IQSEC3: variants seen among roughly 807,000 people sequenced by gnomAD.
IQSEC3 encodes IQ motif and Sec7 domain ArfGEF 3.
IQSEC3 carries 50 observed loss-of-function variants against 105.4 expected under a neutral mutation model. The ratio of observed to expected loss-of-function variants is 0.47; its 90% CI spans 0.38 to 0.60. The LOEUF (loss-of-function observed/expected upper bound fraction) is 0.60. Ranked by LOEUF, IQSEC3 falls within the 20% of genes least tolerant of loss-of-function variation. The probability of loss-of-function intolerance (pLI) is 0.00; values close to 1 mark genes in which losing one functional copy is unlikely to be tolerated. For missense variants in IQSEC3, 1,415 were observed against 1,630.0 expected (o/e 0.87, Z 2.27); for synonymous variants, 708 against 746.0 (o/e 0.95, Z 0.83).
At chr12:124,354 A>G (rs11503142) in intron 2 of IQSEC3, among the ~76,000 whole-genome samples, 131 of 145,026 alleles carry the variant, frequency 9.0e-4, no homozygotes, top group African/African-American at 3.1e-3. Context: ...TCACCATTGC[A>G]CTCCAGCCTG....
At chr12:143,077 C>T (rs925034572) in intron 5 of IQSEC3, among the ~76,000 whole-genome samples, 5 of 152,236 alleles carry the variant, frequency 3.3e-5, no homozygotes, top group Non-Finnish European at 4.4e-5. Flanking sequence ...GGGAACACAG[C>T]GTTTTCCTGC....
intron 6 of IQSEC3, 133 bp downstream of exon 6, chr12:157,280 C>T (rs1866723778): frequency 7.6e-7 from 1 of 1,314,198 alleles, no homozygotes. Context: ...CTGGTGTGGG[C>T]AGGAGGATGG....
chr12:134,886 G>C (rs896793260), intron 3 of IQSEC3, among the ~76,000 whole-genome samples: 26 of 151,952 alleles, frequency 1.7e-4, no homozygotes, highest in African/African-American at 2.4e-5. Context: ...AGCACTCTGG[G>C]AGGCCAAGGT....
chr12:139,577 G>A, intron 4 of IQSEC3: 3 of 439,338 alleles, frequency 6.8e-6, no homozygotes, highest in African/African-American at 2.0e-5. Context: ...AAGATTAAAG[G>A]AAAAAAATAA....
chr12:173,325 G>A (rs766542925), intron 13 of IQSEC3, among the ~76,000 whole-genome samples: 11 of 152,188 alleles, frequency 7.2e-5, no homozygotes, highest in South Asian at 6.2e-4. Flanking sequence ...GTGACATGCC[G>A]AGTGTGGCAG....
intron 1 of IQSEC3, among the ~76,000 whole-genome samples, chr12:93,686 G>C (rs1864161915): frequency 6.6e-6 from 1 of 152,178 alleles, no homozygotes; most frequent in Non-Finnish European, 1.5e-5. Context: ...GCTATGTTTT[G>C]AATGTTTGTC....
chr12:91,980 C>A (rs1555073569), intron 1 of IQSEC3, among the ~76,000 whole-genome samples: 2 of 152,108 alleles, frequency 1.3e-5, no homozygotes, highest in African/African-American at 4.8e-5. Flanking sequence ...CAGTCTCATT[C>A]TGAGTGCGGC....
At chr12:147,830 T>C (rs1866341285) in intron 5 of IQSEC3, 1 of 152,188 alleles carries the variant, frequency 6.6e-6, no homozygotes, top group African/African-American at 2.4e-5. Flanking sequence ...GATTCGTAAG[T>C]CTCAAGAGGT....
intron 5 of IQSEC3, among the ~76,000 whole-genome samples, chr12:146,615 T>TAGCCTGGA (rs1412758567): frequency 2.0e-5 from 3 of 151,066 alleles, no homozygotes; most frequent in Non-Finnish European, 4.4e-5. Flanking sequence ...CACTGCACTC[T>TAGCCTGGA]AGCCTGGAAG....
intron 2 of IQSEC3, among the ~76,000 whole-genome samples, chr12:121,455 G>A (rs936355070): frequency 1.3e-5 from 2 of 152,152 alleles, no homozygotes; most frequent in African/African-American, 2.4e-5. Flanking sequence ...CTGTGCCCTG[G>A]CAAAGCACCA....
At chr12:107,402 CTTTTTTTTTTTT>C (rs58053657) in intron 2 of IQSEC3, among the ~76,000 whole-genome samples, 3 of 75,984 alleles carry the variant, frequency 3.9e-5, no homozygotes, top group Admixed American at 4.0e-4. Flanking sequence ...AGTCTGTTTT[CTTTTTTTTTTTT>C]TTTTTTTTTT....
intron 13 of IQSEC3, among the ~76,000 whole-genome samples, chr12:173,813 G>A (rs556235494): frequency 6.6e-6 from 1 of 152,322 alleles, no homozygotes; most frequent in East Asian, 1.9e-4. Flanking sequence ...AGCAAGGGGA[G>A]GCCAGGCTAG....
intron 3 of IQSEC3, among the ~76,000 whole-genome samples, chr12:129,678 C>T (rs1303811615): frequency 6.6e-6 from 1 of 152,132 alleles, no homozygotes; most frequent in Non-Finnish European, 1.5e-5. Flanking sequence ...TGCAGAGCGA[C>T]TGGAGCCCTT....
At position 174,700 on chromosome 12, in the gene IQSEC3, G is replaced by A. The variant is rs773981408; in HGVS notation, c.3216G>A (p.Pro1072=). ...CGCCAGACCTGCAGCCTAGCCCCCC[G>A]AGACAGCAGACCCCACCACTGCCGC... ...VPPPDLQPSP[P]RQQTPPLPPP... The change falls in exon 14 of 14, where the codon CCG becomes CCA. Residue 1072 remains proline, a synonymous_variant. Transcript: ENST00000538872. 2.2e-5 allele frequency: 35 copies of A among 1,593,316 alleles called. No homozygotes were observed. The highest frequency in any genetic ancestry group is 1.6e-4 in the East Asian group (7 of 44,792).
chr12:150,569 C>G (rs1448295071), intron 5 of IQSEC3, among the ~76,000 whole-genome samples: 3 of 152,074 alleles, frequency 2.0e-5, no homozygotes, highest in African/African-American at 7.2e-5. Context: ...TGATGGAAGC[C>G]AAGAAGACGG....
intron 7 of IQSEC3, 42 bp downstream of exon 7, chr12:157,736 C>A: frequency 6.3e-7 from 1 of 1,582,700 alleles, no homozygotes; most frequent in Non-Finnish European, 8.6e-7. Flanking sequence ...AAGGCCACGG[C>A]TCAGGCCCCA....
At position 138,369 on chromosome 12, in the gene IQSEC3, G is replaced by C. The variant is rs144936538; in HGVS notation, c.1006G>C (p.Glu336Gln). Reference protein sequence around the residue: ...FRQYQLSKNFEKIRNSLLESR... With the variant: ...FRQYQLSKNFQKIRNSLLESR... ...CCAATACCAGCTCAGCAAGAACTTC[G>C]AGAAAATCCGCAACTCGCTTCTGGA... The change falls in exon 4 of 14, where the codon GAG becomes CAG. Residue 336 changes from glutamate to glutamine, a missense_variant. Around this residue, in one of 6 missense-constraint regions of IQSEC3, gnomAD observed 720 missense variants for 633.0 expected, o/e 1.14. Coordinates refer to ENST00000538872, the MANE Select transcript of IQSEC3 (RefSeq NM_001170738.2). The surrounding 1 kb of genome is among the most constrained non-coding windows in gnomAD (Gnocchi z 7.1). 1.4e-5 allele frequency: 22 copies of C among 1,612,840 alleles called. No individual in the cohort carries two copies. Among genetic ancestry groups the C allele is most frequent in the African/African-American group, 2.7e-5 (2 of 74,946 alleles).
Position 165,836 on chromosome 12 carries a change from G to C in IQSEC3, c.2917G>C (p.Asp973His), listed in dbSNP as rs1555098245. ...GSDEMQKFVE[D>H]LKESIAEVTE... Reference sequence around the variant, plus strand: ...GGACGAGATGCAGAAGTTCGTGGAGGACCTGAAGGAGTCCATTGCTGAGGT... The same window carrying C: ...GGACGAGATGCAGAAGTTCGTGGAGCACCTGAAGGAGTCCATTGCTGAGGT... The change falls in exon 11 of 14, where the codon GAC becomes CAC. Residue 973 changes from aspartate to histidine, a missense_variant. Asp to His is a moderately conservative substitution (Grantham distance 81, BLOSUM62 -1). This residue lies in a region of IQSEC3 where 419 missense variants were observed against 436.2 expected (regional missense o/e 0.96). Coordinates refer to ENST00000538872, the MANE Select transcript of IQSEC3 (RefSeq NM_001170738.2). The C allele has an allele frequency of 6.2e-7, 1 of 1,614,126 alleles. No individual in the cohort carries two copies. The highest frequency in any genetic ancestry group is 1.3e-5 in the African/African-American group (1 of 75,076).
At chr12:154,140 T>C (rs1397337429) in intron 5 of IQSEC3, among the ~76,000 whole-genome samples, 4 of 152,164 alleles carry the variant, frequency 2.6e-5, no homozygotes, top group African/African-American at 9.7e-5. Context: ...TGGGCCGACT[T>C]TTCAACCTGG....
Sources: gnomAD v4.1 joint callset for allele counts (sites outside exome capture counted in the v4.1 genomes callset) on GRCh38, gnomAD v4.1.1 for gene constraint, gnomAD v4.1.1 regional missense constraint, Gnocchi (gnomAD v3.1) non-coding constraint, MANE v1.5 for transcripts, NCBI Gene and HGNC (gene_info 2026-07-23, HGNC 2026-07-21) for gene names.